The following NEK11 variants were observed in gnomAD, a reference collection of about 807,000 sequenced individuals.
The protein encoded by NEK11 is NIMA related kinase 11, also known as serine/threonine-protein kinase Nek11.
A neutral mutation model predicts 80.7 loss-of-function variants in NEK11; 72 were observed. The observed-to-expected ratio is 0.89, with a 90% confidence interval of 0.74 to 1.08. The LOEUF is 1.08. Among genes scored for constraint, NEK11 ranks in the 50% least tolerant of loss-of-function variants. The pLI, the probability that NEK11 is intolerant of heterozygous loss-of-function variation, is 0.00. For synonymous variants in NEK11, 251 were observed against 260.7 expected (o/e 0.96, Z 0.36); for missense variants, 764 against 763.6 (o/e 1.00, Z -0.01).
At chr3:131,160,786 A>G (rs530703915) in intron 10 of NEK11, among the ~76,000 whole-genome samples, 2 of 152,330 alleles carry the variant, frequency 1.3e-5, no homozygotes, top group African/African-American at 4.8e-5. Flanking sequence ...TCTAATTTCA[A>G]ACCAAACAGA....
chr3:131,315,768 C>T (rs927486102), intron 17 of NEK11, among the ~76,000 whole-genome samples: 1 of 151,936 alleles, frequency 6.6e-6, no homozygotes, highest in African/African-American at 2.4e-5. Context: ...CATGTATTCT[C>T]ATTATTCGGC....
At chr3:131,130,048 G>T (rs1407292119) in intron 5 of NEK11, among the ~76,000 whole-genome samples, 1 of 152,094 alleles carries the variant, frequency 6.6e-6, no homozygotes, top group East Asian at 1.9e-4. Flanking sequence ...ACAATATTGA[G>T]TCTACCTATC....
chr3:131,150,444 C>G (rs1037803606), intron 7 of NEK11, among the ~76,000 whole-genome samples: 2 of 151,910 alleles, frequency 1.3e-5, no homozygotes, highest in Admixed American at 6.6e-5. Context: ...CACACACGCA[C>G]ACATTATTGG....
chr3:131,109,029 T>C (rs1432905662), intron 4 of NEK11, among the ~76,000 whole-genome samples: 1 of 152,164 alleles, frequency 6.6e-6, no homozygotes, highest in Non-Finnish European at 1.5e-5. Flanking sequence ...ATTCTATAAT[T>C]ATATACAACT....
At chr3:131,038,853 C>G (rs550422537) in intron 3 of NEK11, among the ~76,000 whole-genome samples, 1 of 152,052 alleles carries the variant, frequency 6.6e-6, no homozygotes, top group Non-Finnish European at 1.5e-5. Flanking sequence ...ATGTGTTGTT[C>G]TGGTGGATTT....
At chr3:131,254,714 C>A (rs2095771589) in intron 16 of NEK11, among the ~76,000 whole-genome samples, 1 of 152,056 alleles carries the variant, frequency 6.6e-6, no homozygotes, top group Non-Finnish European at 1.5e-5. Context: ...GATAACTTTT[C>A]TCAGCTAGAA....
intron 17 of NEK11, among the ~76,000 whole-genome samples, chr3:131,306,651 AG>A (rs758425444): frequency 1.3e-5 from 2 of 152,220 alleles, no homozygotes; most frequent in African/African-American, 2.4e-5. Context: ...ACTTCTCCTA[AG>A]AGCAAGGCTT....
intron 4 of NEK11, 43 bp from the exon 5 acceptor site, chr3:131,109,760 A>C (rs760365939): frequency 1.3e-6 from 2 of 1,543,442 alleles, no homozygotes; most frequent in Non-Finnish European, 1.7e-6. Context: ...TGATTTTAAC[A>C]TATTAGCTGA....
intron 3 of NEK11, among the ~76,000 whole-genome samples, chr3:131,062,278 C>T (rs2071027873): frequency 1.3e-5 from 2 of 152,166 alleles, no homozygotes; most frequent in African/African-American, 4.8e-5. Flanking sequence ...CTCCTATTTT[C>T]CCTGGAACTC....
At chr3:131,248,979 T>G (rs1230430475) in intron 16 of NEK11, among the ~76,000 whole-genome samples, 1 of 151,992 alleles carries the variant, frequency 6.6e-6, no homozygotes, top group Non-Finnish European at 1.5e-5. Context: ...GATTGAATAG[T>G]TAATATCCAA....
chr3:131,139,542 G>A (rs1014323355), intron 7 of NEK11, among the ~76,000 whole-genome samples: 3 of 152,010 alleles, frequency 2.0e-5, no homozygotes, highest in Admixed American at 2.0e-4. Context: ...GTATAAGAAG[G>A]TTATAGAAGA....
At chr3:131,258,982 T>G (rs1299321085) in intron 16 of NEK11, among the ~76,000 whole-genome samples, 1 of 152,144 alleles carries the variant, frequency 6.6e-6, no homozygotes, top group Non-Finnish European at 1.5e-5. Flanking sequence ...GTAGCAATAA[T>G]GTACCTTTAT....
intron 14 of NEK11, among the ~76,000 whole-genome samples, chr3:131,204,967 T>C (rs745438110): frequency 2.6e-5 from 4 of 152,154 alleles, no homozygotes; most frequent in Non-Finnish European, 4.4e-5. Flanking sequence ...AGTGATCAGC[T>C]AAACATGAGT....
intron 14 of NEK11, among the ~76,000 whole-genome samples, chr3:131,228,106 G>T (rs1319594998): frequency 3.9e-5 from 6 of 152,070 alleles, no homozygotes; most frequent in Non-Finnish European, 7.4e-5. Flanking sequence ...TAGGAAAAAT[G>T]CTGTGGTAGT....
chr3:131,310,666 G>A (rs972884428), intron 17 of NEK11, among the ~76,000 whole-genome samples: 2 of 152,198 alleles, frequency 1.3e-5, no homozygotes, highest in South Asian at 2.1e-4. Flanking sequence ...AGTGTCAGCT[G>A]CAGGGAGATG....
At chr3:131,205,565 C>T (rs74567193) in intron 14 of NEK11, among the ~76,000 whole-genome samples, 3,757 of 152,198 alleles carry the variant, frequency 0.025, 161 homozygotes, top group African/African-American at 0.086. Flanking sequence ...GCCAGAGCTC[C>T]GTCTGTCTAT....
chr3:131,340,659 G>T (rs1350842239), intron 17 of NEK11, among the ~76,000 whole-genome samples: 1 of 152,110 alleles, frequency 6.6e-6, no homozygotes, highest in African/African-American at 2.4e-5. Context: ...ACCCCAAGCA[G>T]TTCAAATTTT....
intron 12 of NEK11, among the ~76,000 whole-genome samples, chr3:131,167,575 C>T (rs1472035622): frequency 1.3e-5 from 2 of 152,086 alleles, no homozygotes; most frequent in Non-Finnish European, 2.9e-5. Flanking sequence ...TCTTGTCTTC[C>T]TCTTATAAAT....
At chr3:131,297,923 C>G (rs1363492332) in intron 17 of NEK11, among the ~76,000 whole-genome samples, 1 of 151,990 alleles carries the variant, frequency 6.6e-6, no homozygotes, top group East Asian at 1.9e-4. Flanking sequence ...AATAGGGAAT[C>G]CTTTCCCCAT....
Sources: allele counts gnomAD v4.1 joint callset (sites outside exome capture counted in the v4.1 genomes callset), GRCh38; gene constraint gnomAD v4.1.1; transcripts MANE v1.5; gene names NCBI Gene and HGNC (gene_info 2026-07-23, HGNC 2026-07-21).